RD3L: variants seen among roughly 807,000 people sequenced by gnomAD.
RD3L encodes the protein protein RD3-like.
A neutral mutation model predicts 12.5 loss-of-function variants in RD3L; 6 were observed. The observed-to-expected ratio is 0.48, with a 90% CI of 0.26 to 0.95. The LOEUF (loss-of-function observed/expected upper bound fraction) is 0.95. Among genes scored for constraint, RD3L ranks in the 40% least tolerant of loss-of-function variants. The pLI is 0.14. For synonymous variants in RD3L, 87 were observed against 79.3 expected, an observed-to-expected ratio of 1.10 and a Z score of -0.52; for missense variants, 234 against 228.6, an observed-to-expected ratio of 1.02 and a Z score of -0.15.
chr14:103,941,249 G>A, intron 2 of RD3L, 146 bp from the exon 3 acceptor site: 1 of 951,592 alleles, frequency 1.1e-6, no homozygotes, highest in South Asian at 1.8e-5. Context: ...TTCTAGTAAA[G>A]AAATTTTAAA....
At chr14:103,941,784 G>T in intron 1 of RD3L, 82 bp from the exon 2 acceptor site, 1 of 1,099,866 alleles carries the variant, frequency 9.1e-7, no homozygotes, top group Non-Finnish European at 1.3e-6. Context: ...CAATAAATTT[G>T]CCCGAAAAGT....
In RD3L at chr14:103,941,446, C is replaced by T. The variant is rs1055401661; in HGVS notation, c.250G>A (p.Val84Ile). 9.1e-6 allele frequency: 14 copies of T among 1,535,338 alleles called. No individual in the cohort carries two copies. Among genetic ancestry groups the T allele is most frequent in the Non-Finnish European group, 1.1e-5 (13 of 1,146,630 alleles). ...IPVTEQRQLE[V>I]LCSQVQPCQT... ...CAAGGTTGAACTTGTGAGCAAAGAA[C>T]TTCAAGTTGTCTTTGTTCAGTCACT... The change falls in exon 2 of 3, where the codon GTT becomes ATT. Residue 84 changes from valine (V) to isoleucine (I), a missense_variant. Physicochemically the swap from Val to Ile is conservative, Grantham distance 29. Coordinates refer to ENST00000557640, the MANE Select transcript of RD3L (RefSeq NM_001257268.2).
rs188189727 is a variant in RD3L at position 103,940,791 on chromosome 14, C to G, written c.*15G>C. 1 of 1,520,772 alleles carries G rather than the reference C, an allele frequency of 6.6e-7. No individual in the cohort carries two copies. The highest frequency in any genetic ancestry group is 1.4e-5 in the African/African-American group (1 of 72,796). 94.2% of individuals were successfully genotyped at this position (1,520,772 alleles called of 1,614,324 possible). ...TTCTAAGGTGTTCATAAAAACCCCT[C>G]TAGTTGTAAGTAACTTAACTAGATG... On this transcript the variant is annotated 3_prime_UTR_variant, in exon 3 of 3. Transcript: ENST00000557640.
rs2031242440 is a variant in RD3L at position 103,941,641 on chromosome 14, G to A, written c.55C>T (p.His19Tyr). The A allele has an allele frequency of 1.3e-6, 2 of 1,534,962 alleles. No individual in the cohort carries two copies. Among genetic ancestry groups the A allele is most frequent in the Non-Finnish European group, 1.7e-6 (2 of 1,146,582 alleles). Reference protein sequence around the residue: ...WPKNDSYKPTHYPGSDIVTKT... With the variant: ...WPKNDSYKPTYYPGSDIVTKT... The stretch of plus-strand genomic sequence containing the variant: ...GTCACTATGTCTGAGCCAGGATAGT[G>A]TGTGGGTTTGTAGGAATCGTTTTTG... Residue 19 changes from histidine to tyrosine, a missense_variant, in exon 2 of 3, where the codon CAC (histidine) becomes TAC (tyrosine). Coordinates refer to ENST00000557640, the MANE Select transcript of RD3L (RefSeq NM_001257268.2).
rs561981786 is a variant in RD3L, at chr14:103,941,622, A to G, written c.74T>C (p.Ile25Thr). 13 of 1,535,164 alleles carry G rather than the reference A, an allele frequency of 8.5e-6. No individual in the cohort carries two copies. Among genetic ancestry groups the G allele is most frequent in the East Asian group, 7.3e-5 (3 of 40,904 alleles). ...TTCCCGAAGCAGAGTCTTTGTCACT[A>G]TGTCTGAGCCAGGATAGTGTGTGGG... is the stretch of plus-strand genomic sequence containing the variant. ...YKPTHYPGSDIVTKTLLRELK... is the reference protein window; with the variant it reads ...YKPTHYPGSDTVTKTLLRELK... The change falls in exon 2 of 3, where the codon ATA becomes ACA. Residue 25 changes from isoleucine to threonine, a missense_variant. By Grantham distance (89) the Ile-to-Thr change is moderately conservative. Coordinates refer to ENST00000557640, the MANE Select transcript of RD3L (RefSeq NM_001257268.2).
Position 103,941,540 on chromosome 14 carries a change from T to C in RD3L, c.156A>G (p.Gln52=). Residue 52 remains glutamine (Q), a synonymous_variant, in exon 2 of 3, where the codon CAA becomes CAG. Coordinates refer to ENST00000557640, the MANE Select transcript of RD3L (RefSeq NM_001257268.2). Reference sequence around the variant, plus strand: ...AATCCACACCTGTTTTTTTCACTTTTTGTTCATTTTCGATTTCTTGTATTA... The same window carrying C: ...AATCCACACCTGTTTTTTTCACTTTCTGTTCATTTTCGATTTCTTGTATTA... ...ERLIQEIENE[Q]KVKKTGVDYN... The C allele has an allele frequency of 6.5e-7, 1 of 1,535,434 alleles. No individual in the cohort carries two copies. Among genetic ancestry groups the C allele is most frequent in the Admixed American group, 2.0e-5 (1 of 50,976 alleles).
chr14:103,941,982 A>G, intron 1 of RD3L, 110 bp downstream of exon 1: 1 of 356,664 alleles, frequency 2.8e-6, no homozygotes, highest in Non-Finnish European at 5.0e-6. Context: ...AAATAACACT[A>G]ACACTTGCTG....
At position 103,941,590 on chromosome 14, in the gene RD3L, A is replaced by G. The variant is rs1222718465; in HGVS notation, c.106T>C (p.Trp36Arg). The change falls in exon 2 of 3, where the codon TGG (tryptophan) becomes CGG (arginine). Residue 36 changes from tryptophan (W) to arginine (R), a missense_variant. Coordinates refer to ENST00000557640, the MANE Select transcript of RD3L (RefSeq NM_001257268.2). ...AATCTCTCTCGCTCCTTTAGGTGCCATTTTAATTCCCGAAGCAGAGTCTTT... is the reference window on the plus strand; with the variant it reads ...AATCTCTCTCGCTCCTTTAGGTGCCGTTTTAATTCCCGAAGCAGAGTCTTT... ...VTKTLLRELK[W>R]HLKERERLIQ... 2 of 1,535,144 alleles carry G rather than the reference A, an allele frequency of 1.3e-6. No individual in the cohort carries two copies. Among genetic ancestry groups the G allele is most frequent in the East Asian group, 2.4e-5 (1 of 40,910 alleles).
Position 103,941,072 on chromosome 14 carries a change from G to A in RD3L, c.331C>T (p.Leu111=), listed in dbSNP as rs1168349799. 2 of 1,534,636 alleles carry A rather than the reference G, an allele frequency of 1.3e-6. No individual in the cohort carries two copies. Among genetic ancestry groups the A allele is most frequent in the Non-Finnish European group, 1.7e-6 (2 of 1,146,144 alleles). Residue 111 remains leucine (L), a synonymous_variant, in exon 3 of 3, where the codon CTG becomes TTG. Coordinates refer to ENST00000557640, the MANE Select transcript of RD3L (RefSeq NM_001257268.2). ...FREVLAENDV[L]PWEIVYIFKQ... is the part of the protein sequence containing the mutation. ...AAGATGTAGACTATTTCCCATGGCA[G>A]TACATCATTTTCTGCCAAAACTTCT... is the stretch of plus-strand genomic sequence containing the variant.
rs2031154847 is a variant in RD3L at position 103,940,494 on chromosome 14, A to G, written c.*312T>C. The G allele has an allele frequency of 4.5e-6, 1 of 220,602 alleles. No individual in the cohort carries two copies. Among genetic ancestry groups the G allele is most frequent in the African/African-American group, 2.3e-5 (1 of 43,684 alleles). 13.7% of individuals were successfully genotyped at this position (220,602 alleles called of 1,614,324 possible). On this transcript the variant is annotated 3_prime_UTR_variant, in exon 3 of 3. Coordinates refer to ENST00000557640, the MANE Select transcript of RD3L (RefSeq NM_001257268.2). ...AGAATAAAAGTCAAGGTTAATATCT[A>G]AGTTTTGTACAGAATTTGTCAGACT...
At chr14:103,941,799 G>C in intron 1 of RD3L, 97 bp from the exon 2 acceptor site, 1 of 866,110 alleles carries the variant, frequency 1.2e-6, no homozygotes, top group Non-Finnish European at 1.7e-6. Context: ...AAAAGTGCAC[G>C]ATTTTTTTTC....
At position 103,940,922 on chromosome 14, in the gene RD3L, C is replaced by T. The variant is rs889148332; in HGVS notation, c.481G>A (p.Ala161Thr). The T allele has an allele frequency of 6.5e-7, 1 of 1,535,210 alleles. No homozygotes were observed. Among genetic ancestry groups the T allele is most frequent in the African/African-American group, 1.4e-5 (1 of 73,002 alleles). ...SVIQGDSSKR[A>T]DKDEIPTISS... Reference sequence around the variant, plus strand: ...ATGGTGGGTATTTCATCTTTGTCTGCCCTCTTGGAGCTGTCACCTTGGATC... The same window carrying T: ...ATGGTGGGTATTTCATCTTTGTCTGTCCTCTTGGAGCTGTCACCTTGGATC... The change falls in exon 3 of 3, where the codon GCA (alanine) becomes ACA (threonine). Residue 161 changes from alanine (A) to threonine (T), a missense_variant. Ala to Thr is a moderately conservative substitution (Grantham distance 58). Coordinates refer to ENST00000557640, the MANE Select transcript of RD3L (RefSeq NM_001257268.2).
chr14:103,941,192 A>G (rs1448670332), intron 2 of RD3L, 89 bp from the exon 3 acceptor site: 2 of 1,094,050 alleles, frequency 1.8e-6, no homozygotes, highest in Non-Finnish European at 2.5e-6. Context: ...TAATGTATAC[A>G]AGTTACCCAC....
intron 2 of RD3L, 54 bp from the exon 3 acceptor site, chr14:103,941,157 CTT>C: frequency 7.5e-7 from 1 of 1,334,638 alleles, no homozygotes; most frequent in African/African-American, 1.5e-5. Context: ...TGTTATATCT[CTT>C]TATCTCCAAA....
intron 2 of RD3L, 70 bp from the exon 3 acceptor site, chr14:103,941,173 C>T (rs2031207395): frequency 3.2e-6 from 4 of 1,238,802 alleles, no homozygotes; most frequent in Non-Finnish European, 4.4e-6. Context: ...CTCCAAAATA[C>T]AGCTTGAATA....
rs1032308494 is a variant in RD3L at position 103,942,500 on chromosome 14, A to G, written c.-416T>C. Among the ~76,000 whole-genome samples, 6 of 152,242 alleles carry G rather than the reference A, an allele frequency of 3.9e-5. No homozygotes were observed. The highest frequency in any genetic ancestry group is 1.4e-4 in the African/African-American group (6 of 41,472). On this transcript the variant is annotated 5_prime_UTR_variant, in exon 1 of 3. It removes an upstream start codon present in the reference 5' UTR. Coordinates refer to ENST00000557640, the MANE Select transcript of RD3L (RefSeq NM_001257268.2). ...ACGAAGAATGGTCGTCTAAAGCACC[A>G]TAGATGCGCTCCGAGCTAGAGTGAA...
chr14:103,940,636 A>AAC lies in RD3L; in HGVS notation c.*168_*169dup. ...AGTTAAAAGCATACTATTCAATGAA[A>AAC]ACATAGCATGTTTAGAGTGGTTAAA... On this transcript the variant is annotated 3_prime_UTR_variant, in exon 3 of 3. Transcript: ENST00000557640. The AAC allele has an allele frequency of 1.9e-6, 1 of 518,724 alleles. No individual in the cohort carries two copies. Among genetic ancestry groups the AAC allele is most frequent in the East Asian group, 2.9e-5 (1 of 34,094 alleles). The allele number at this position is 518,724 out of a possible 1,614,324, so 32.1% of individuals were successfully genotyped here.
chr14:103,940,638 C>A lies in RD3L; in HGVS notation c.*168G>T. On this transcript the variant is annotated 3_prime_UTR_variant, in exon 3 of 3. Transcript: ENST00000557640. Reference sequence around the variant, plus strand: ...TTAAAAGCATACTATTCAATGAAAACATAGCATGTTTAGAGTGGTTAAAAA... The same window carrying A: ...TTAAAAGCATACTATTCAATGAAAAAATAGCATGTTTAGAGTGGTTAAAAA... 3.9e-6 allele frequency: 2 copies of A among 517,328 alleles called. No homozygotes were observed. Among genetic ancestry groups the A allele is most frequent in the Non-Finnish European group, 6.8e-6 (2 of 294,566 alleles). The allele number at this position is 517,328 out of a possible 1,614,324, so 32.0% of individuals were successfully genotyped here.
rs2031248528 is a variant in RD3L at position 103,941,720 on chromosome 14, CTTGT to C, written c.-7-22_-7-19del. 1 of 1,454,522 alleles carries C rather than the reference CTTGT, an allele frequency of 6.9e-7. No homozygotes were observed. The highest frequency in any genetic ancestry group is 2.5e-5 in the East Asian group (1 of 40,114). 90.1% of individuals were successfully genotyped at this position (1,454,522 alleles called of 1,614,324 possible). On this transcript the variant is annotated intron_variant, in intron 1 of 2. Transcript: ENST00000557640. ...TTTTTAGCCTATGGAAATATTTTCA[CTTGT>C]TTATTTGCTCAAAATGTTATGTTCT...
Sources: allele counts gnomAD v4.1 joint callset (sites outside exome capture counted in the v4.1 genomes callset), GRCh38; gene constraint gnomAD v4.1.1; transcripts MANE v1.5; gene names NCBI Gene and HGNC (gene_info 2026-07-23, HGNC 2026-07-21).